Variants in CAMK2G observed in about 807,000 individuals in gnomAD.
CAMK2G encodes the protein calcium/calmodulin dependent protein kinase II gamma.
A neutral mutation model predicts 88.7 loss-of-function variants in CAMK2G; 23 were observed. The ratio of observed to expected loss-of-function variants is 0.26; its 90% CI spans 0.19 to 0.37. The LOEUF (loss-of-function observed/expected upper bound fraction) is 0.37. Among genes scored for constraint, CAMK2G ranks in the 10% least tolerant of loss-of-function variants. CAMK2G has a pLI of 1.00. For missense variants in CAMK2G, 476 were observed against 780.8 expected (o/e 0.61, Z 4.65); for synonymous variants, 263 against 294.8 (o/e 0.89, Z 1.11).
At chr10:73,819,740 C>A in intron 18 of CAMK2G, 95 bp from the exon 19 acceptor site, 1 of 757,980 alleles carries the variant, frequency 1.3e-6, no homozygotes, top group South Asian at 1.8e-5. Context: ...AGGCCCCGAG[C>A]CCATGGCGCT....
chr10:73,848,376 T>C lies in CAMK2G; in HGVS notation c.601+150A>G. ...GAAGTACGCAGGGAGGAGGGTGTGATGGGAACAGCCATCCCAGGGGCAAAC... is the reference window on the plus strand; with the variant it reads ...GAAGTACGCAGGGAGGAGGGTGTGACGGGAACAGCCATCCCAGGGGCAAAC... On this transcript the variant is annotated intron_variant, in intron 8 of 22. Transcript: ENST00000423381. The surrounding 1 kb of genome is among the most constrained non-coding windows in gnomAD (Gnocchi z 4.5). 2 of 682,104 alleles carry C rather than the reference T, an allele frequency of 2.9e-6. No homozygotes were observed. The highest frequency in any genetic ancestry group is 2.1e-5 in the Admixed American group (1 of 46,594). 42.3% of individuals were successfully genotyped at this position (682,104 alleles called of 1,614,324 possible). A position where few individuals can be genotyped will look rare whatever the true frequency, so the allele number is the denominator to read the frequency against.
chr10:73,873,561 A>G, intron 1 of CAMK2G: 1 of 993,560 alleles, frequency 1.0e-6, no homozygotes, highest in Non-Finnish European at 1.2e-6. Flanking sequence ...GGGCAAAGTG[A>G]GGCTCAAACC....
intron 2 of CAMK2G, among the ~76,000 whole-genome samples, chr10:73,870,993 C>T (rs1245433039): frequency 1.3e-5 from 2 of 152,174 alleles, no homozygotes; most frequent in Admixed American, 1.3e-4. Context: ...CTGGCACTTA[C>T]ACATTCTGAC....
intron 21 of CAMK2G, chr10:73,816,344 T>A: frequency 1.0e-6 from 1 of 996,922 alleles, no homozygotes; most frequent in Non-Finnish European, 1.2e-6. Flanking sequence ...CTGGTTTTAA[T>A]TTCCTCTATT....
chr10:73,827,209 CG>C (rs2091228519), intron 15 of CAMK2G, among the ~76,000 whole-genome samples: 1 of 152,000 alleles, frequency 6.6e-6, no homozygotes, highest in Non-Finnish European at 1.5e-5. Context: ...TTTTTTGAGA[CG>C]GAGTCTAGCT....
Position 73,839,062 on chromosome 10 carries a change from A to G in CAMK2G, c.1009+477T>C, listed in dbSNP as rs1053154139. On this transcript the variant is annotated intron_variant, in intron 13 of 22. Transcript: ENST00000423381. The surrounding 1 kb of genome is among the most constrained non-coding windows in gnomAD (Gnocchi z 4.2). ...GCAGGGCTAGGATGTGAACCCAGAAACAGCTGGCTCTGAGGCTTCTGCACT... is the reference window on the plus strand; with the variant it reads ...GCAGGGCTAGGATGTGAACCCAGAAGCAGCTGGCTCTGAGGCTTCTGCACT... Among the ~76,000 whole-genome samples the G allele has an allele frequency of 6.6e-6, 1 of 152,172 alleles. No homozygotes were observed. Among genetic ancestry groups the G allele is most frequent in the African/African-American group, 2.4e-5 (1 of 41,444 alleles).
In CAMK2G at chr10:73,842,048, T is replaced by C. The variant is rs944729608; in HGVS notation, c.946+121A>G. 1.8e-5 allele frequency: 14 copies of C among 787,554 alleles called. No homozygotes were observed. The highest frequency in any genetic ancestry group is 1.4e-4 in the South Asian group (10 of 70,574). The allele number at this position is 787,554 out of a possible 1,614,324, so 48.8% of individuals were successfully genotyped here. On this transcript the variant is annotated intron_variant, in intron 12 of 22. Transcript: ENST00000423381. This position sits in a 1 kb window ranked among gnomAD's most constrained non-coding sequence, Gnocchi z 4.6. ...CAGCCCCTCAAAACAGGATCCTCAC[T>C]CGCCCTGGTCAAGGTGTGGCCCAGG...
intron 10 of CAMK2G, among the ~76,000 whole-genome samples, chr10:73,844,124 ACT>A (rs756576037): frequency 2.0e-5 from 3 of 149,486 alleles, no homozygotes; most frequent in South Asian, 4.2e-4. Flanking sequence ...ACAGCATCTC[ACT>A]CTGTTGCCCA....
At chr10:73,817,437 G>T in intron 20 of CAMK2G, 42 bp downstream of exon 20, 1 of 1,333,994 alleles carries the variant, frequency 7.5e-7, no homozygotes, top group Admixed American at 1.7e-5. Flanking sequence ...GAAGGCCTTG[G>T]GAGATGACTT....
chr10:73,870,337 TGACTTTATGTA>T (rs2095779628), intron 2 of CAMK2G, among the ~76,000 whole-genome samples: 2 of 152,150 alleles, frequency 1.3e-5, no homozygotes, highest in South Asian at 4.1e-4. Context: ...TGACTTTCAG[TGACTTTATGTA>T]GACAGGCCCG....
chr10:73,853,960 G>A (rs1302109904), intron 3 of CAMK2G, among the ~76,000 whole-genome samples: 1 of 152,046 alleles, frequency 6.6e-6, no homozygotes, highest in Admixed American at 6.6e-5. Context: ...TATTCCTTTC[G>A]ACCACCTGAG....
At chr10:73,852,467 T>C in intron 4 of CAMK2G, 148 bp from the exon 5 acceptor site, 1 of 657,736 alleles carries the variant, frequency 1.5e-6, no homozygotes, top group Non-Finnish European at 2.8e-6. Flanking sequence ...CAGAACACAC[T>C]CGATCCTTCA....
At position 73,815,376 on chromosome 10, in the gene CAMK2G, C is replaced by G. The variant is rs529023502; in HGVS notation, c.1535-129G>C. 1,065 of 654,732 alleles carry G rather than the reference C, an allele frequency of 1.6e-3. 7 individuals are homozygous for G. Among genetic ancestry groups the G allele is most frequent in the Middle Eastern group, 6.1e-3 (17 of 2,792 alleles). The allele number at this position is 654,732 out of a possible 1,614,324, so 40.6% of individuals were successfully genotyped here. A position where few individuals can be genotyped will look rare whatever the true frequency, so the allele number is the denominator to read the frequency against. On this transcript the variant is annotated intron_variant, in intron 21 of 22. Coordinates refer to ENST00000423381, the MANE Select transcript of CAMK2G (RefSeq NM_001367534.1). ...CCAGAATCTCCAAGTACCGCCCCCCCCCACCCCCGAACCCCTGAACGCCCT... is the reference window on the plus strand; with the variant it reads ...CCAGAATCTCCAAGTACCGCCCCCCGCCACCCCCGAACCCCTGAACGCCCT...
chr10:73,828,128 A>T lies in CAMK2G; in HGVS notation c.1054-7T>A. On this transcript the variant is annotated splice_polypyrimidine_tract_variant and splice_region_variant and intron_variant, in intron 14 of 22. Transcript: ENST00000423381. ...TGGAACTCGACTTCCTTTTCTGGAC[A>T]CACCACAGCAAGAGGGAAAGAGAAG... 1 of 1,612,228 alleles carries T rather than the reference A, an allele frequency of 6.2e-7. No homozygotes were observed. Among genetic ancestry groups the T allele is most frequent in the Non-Finnish European group, 8.5e-7 (1 of 1,178,234 alleles).
chr10:73,837,966 A>G (rs1351791910), intron 13 of CAMK2G, among the ~76,000 whole-genome samples: 1 of 152,210 alleles, frequency 6.6e-6, no homozygotes, highest in Non-Finnish European at 1.5e-5. Flanking sequence ...CAGTTCACAC[A>G]GGAGACCAGA....
Position 73,813,419 on chromosome 10 carries a change from GAGGCAGCCCCAA to G in CAMK2G, c.*1087_*1098del, listed in dbSNP as rs1554983427. ...CGTGCAGCAAGGAAGAATAAGAAGGGAGGCAGCCCCAAAGGCAGCCTGAATGCATAGAAACGA... is the reference window on the plus strand; with the variant it reads ...CGTGCAGCAAGGAAGAATAAGAAGGGAGGCAGCCTGAATGCATAGAAACGA... On this transcript the variant is annotated 3_prime_UTR_variant, in exon 23 of 23. Coordinates refer to ENST00000423381, the MANE Select transcript of CAMK2G (RefSeq NM_001367534.1). 1 of 152,696 alleles carries G rather than the reference GAGGCAGCCCCAA, an allele frequency of 6.5e-6. No individual in the cohort carries two copies. The highest frequency in any genetic ancestry group is 1.5e-5 in the Non-Finnish European group (1 of 68,066). The allele number at this position is 152,696 out of a possible 1,614,324, so 9.5% of individuals were successfully genotyped here.
intron 2 of CAMK2G, 150 bp downstream of exon 2, chr10:73,872,839 C>T (rs2095881874): frequency 1.4e-6 from 1 of 699,526 alleles, no homozygotes; most frequent in Non-Finnish European, 2.6e-6. Context: ...CCTTTTCTGG[C>T]TTCAGCCTGA....
In CAMK2G at chr10:73,848,231, G is replaced by T; in HGVS notation, c.602-149C>A. ...GCCAGCCGATAATGCTATGCTACCA[G>T]CCCCTCCTGCTATGCCTCACACTTC... On this transcript the variant is annotated intron_variant, in intron 8 of 22. Coordinates refer to ENST00000423381, the MANE Select transcript of CAMK2G (RefSeq NM_001367534.1). The surrounding 1 kb of genome is among the most constrained non-coding windows in gnomAD (Gnocchi z 4.5). The T allele has an allele frequency of 1.5e-6, 1 of 651,532 alleles. No homozygotes were observed. The highest frequency in any genetic ancestry group is 1.7e-5 in the South Asian group (1 of 57,836). The allele number at this position is 651,532 out of a possible 1,614,324, so 40.4% of individuals were successfully genotyped here.
In CAMK2G at chr10:73,825,373, G is replaced by T. The variant is rs986405776; in HGVS notation, c.1087-26C>A. On this transcript the variant is annotated intron_variant, in intron 15 of 22. Transcript: ENST00000423381. The stretch of plus-strand genomic sequence containing the variant: ...CTGAGACAAGAAAACAGATGGTTTA[G>T]TTCCTCCAGAGTCCCCAAGGCCACT... 1.9e-6 allele frequency: 3 copies of T among 1,596,566 alleles called. No individual in the cohort carries two copies. In the South Asian group the frequency reaches 3.3e-5, roughly 18 times the overall value.
Sources: allele counts gnomAD v4.1 joint callset (sites outside exome capture counted in the v4.1 genomes callset), GRCh38; gene constraint gnomAD v4.1.1; non-coding constraint Gnocchi (gnomAD v3.1); transcripts MANE v1.5; gene names NCBI Gene and HGNC (gene_info 2026-07-23, HGNC 2026-07-21).